GRID2: variants seen among roughly 807,000 people sequenced by gnomAD.
GRID2 encodes glutamate ionotropic receptor delta type subunit 2, also known as glutamate receptor ionotropic, delta-2.
In GRID2, 33 loss-of-function variants were observed where a neutral mutation model predicts 114.8. That is an observed-to-expected ratio of 0.29 (90% CI 0.22 to 0.38). The LOEUF is 0.38. Among genes scored for constraint, GRID2 ranks in the 10% least tolerant of loss-of-function variants. The pLI is 1.00. For synonymous variants in GRID2, 505 were observed against 449.9 expected (o/e 1.12, Z -1.55); for missense variants, 1,184 against 1,257.7 (o/e 0.94, Z 0.89).
chr4:92,931,223 C>T (rs538714590), intron 2 of GRID2, among the ~76,000 whole-genome samples: 1 of 150,590 alleles, frequency 6.6e-6, no homozygotes, highest in Admixed American at 6.6e-5. Context: ...CACTAATTCA[C>T]CATATTAATA....
chr4:93,469,050 C>A (rs748592663), intron 11 of GRID2, among the ~76,000 whole-genome samples: 1 of 152,012 alleles, frequency 6.6e-6, no homozygotes, highest in Non-Finnish European at 1.5e-5. Flanking sequence ...TATGGTTATC[C>A]ATTTTGGAAC....
chr4:92,363,818 ACT>A lies in GRID2; in HGVS notation c.88+59075_88+59076del. Among the ~76,000 whole-genome samples the A allele has an allele frequency of 3.7e-5, 5 of 133,972 alleles. 1 individual carries two copies. The Middle Eastern group carries it at 0.02, about 532-fold the overall frequency. The allele number at this position is 133,972 out of a possible 152,430, so 87.9% of individuals were successfully genotyped here. A position where few individuals can be genotyped will look rare whatever the true frequency, so the allele number is the denominator to read the frequency against. On this transcript the variant is annotated intron_variant, in intron 1 of 15. Coordinates refer to ENST00000282020, the MANE Select transcript of GRID2 (RefSeq NM_001510.4). ...AATTACTGTGTCTAGAATTAAGTTT[ACT>A]TTTTTTTTTTTTTTTTTCTGACAGA...
intron 2 of GRID2, among the ~76,000 whole-genome samples, chr4:92,872,895 T>G (rs560480623): frequency 6.6e-6 from 1 of 152,370 alleles, no homozygotes; most frequent in Non-Finnish European, 1.5e-5. Context: ...CGGTAATTTT[T>G]GGTAAGTACA....
chr4:93,432,146 A>G (rs1160898329), intron 10 of GRID2, among the ~76,000 whole-genome samples: 2 of 152,190 alleles, frequency 1.3e-5, no homozygotes, highest in Non-Finnish European at 2.9e-5. Context: ...CAGAACAGAT[A>G]AAAGAATAGA....
At chr4:93,087,232 G>C (rs1362342017) in intron 3 of GRID2, among the ~76,000 whole-genome samples, 1 of 151,666 alleles carries the variant, frequency 6.6e-6, no homozygotes, top group Non-Finnish European at 1.5e-5. Context: ...AGTAGAGATG[G>C]GGTTTCAACG....
intron 12 of GRID2, among the ~76,000 whole-genome samples, chr4:93,512,096 A>C (rs1213052353): frequency 1.3e-5 from 2 of 152,000 alleles, no homozygotes; most frequent in Non-Finnish European, 2.9e-5. Context: ...TGATTTTCCC[A>C]TTCCTCCTAT....
intron 8 of GRID2, among the ~76,000 whole-genome samples, chr4:93,361,467 G>GATTATTATTATT (rs149947795): frequency 2.9e-4 from 43 of 147,632 alleles, no homozygotes; most frequent in African/African-American, 8.4e-4. Flanking sequence ...ATGTTACTGT[G>GATTATTATTATT]ATTATTATTA....
At chr4:93,494,706 A>C (rs1223657951) in intron 12 of GRID2, among the ~76,000 whole-genome samples, 2 of 151,780 alleles carry the variant, frequency 1.3e-5, no homozygotes, top group African/African-American at 4.8e-5. Context: ...AAAGGGAAAA[A>C]AAATGCCATT....
At chr4:93,200,263 A>G (rs1741933082) in intron 4 of GRID2, among the ~76,000 whole-genome samples, 1 of 152,200 alleles carries the variant, frequency 6.6e-6, no homozygotes, top group African/African-American at 2.4e-5. Context: ...AAGTATCACC[A>G]TTTGGTCAAA....
chr4:93,478,945 T>C (rs1725587812), intron 11 of GRID2, among the ~76,000 whole-genome samples: 2 of 152,074 alleles, frequency 1.3e-5, no homozygotes, highest in Non-Finnish European at 2.9e-5. Context: ...TATTTAGTCA[T>C]TTAAAACCAA....
In GRID2 at chr4:92,376,462, G is replaced by T. The variant is rs1005779131; in HGVS notation, c.88+71718G>T. 3.3e-5 allele frequency among the ~76,000 whole-genome samples: 5 copies of T among 152,142 alleles called. No homozygotes were observed. The South Asian group carries it at 8.3e-4, about 25-fold the overall frequency. ...CCATCCTGGCTGATTTCATGGGCTG[G>T]CATTGAGTGTCTGTGGCTTTTCCAG... is the stretch of plus-strand genomic sequence containing the variant. On this transcript the variant is annotated intron_variant, in intron 1 of 15. Coordinates refer to ENST00000282020, the MANE Select transcript of GRID2 (RefSeq NM_001510.4).
At chr4:92,780,157 A>G (rs951599172) in intron 2 of GRID2, among the ~76,000 whole-genome samples, 1 of 152,154 alleles carries the variant, frequency 6.6e-6, no homozygotes, top group Admixed American at 6.6e-5. Context: ...CGCAATTTAG[A>G]AACTAATAAT....
At chr4:92,856,782 C>T (rs1359651052) in intron 2 of GRID2, among the ~76,000 whole-genome samples, 1 of 152,142 alleles carries the variant, frequency 6.6e-6, no homozygotes, top group Non-Finnish European at 1.5e-5. Flanking sequence ...ACATTGTTAA[C>T]TTCTCACCAT....
intron 14 of GRID2, among the ~76,000 whole-genome samples, chr4:93,712,170 A>G (rs58635063): frequency 0.089 from 13,607 of 152,120 alleles, 671 homozygotes; most frequent in African/African-American, 0.13. Context: ...GAATTTGCCA[A>G]TCTTTTCATA....
At chr4:92,937,684 G>C (rs1278358954) in intron 2 of GRID2, among the ~76,000 whole-genome samples, 3 of 146,732 alleles carry the variant, frequency 2.0e-5, no homozygotes, top group Non-Finnish European at 3.0e-5. Flanking sequence ...GGGGCTCCTT[G>C]CCTTCCACTG....
intron 14 of GRID2, among the ~76,000 whole-genome samples, chr4:93,759,259 C>T (rs914512667): frequency 6.6e-6 from 1 of 152,004 alleles, no homozygotes; most frequent in African/African-American, 2.4e-5. Flanking sequence ...GATTTTGCCC[C>T]CTTAGGCAGT....
chr4:93,419,074 C>CTTT lies in GRID2; in HGVS notation c.1348-3677_1348-3675dup, dbSNP rs58832079. ...GGTAATCCCCAAAATCATGATTTTC[C>CTTT]TTTTTTTTTTTTTTTTTTTTTTACA... On this transcript the variant is annotated intron_variant, in intron 9 of 15. Transcript: ENST00000282020. Among the ~76,000 whole-genome samples, 708 of 109,418 alleles carry CTTT rather than the reference C, an allele frequency of 6.5e-3. 15 individuals are homozygous for CTTT. The highest frequency in any genetic ancestry group is 0.026 in the African/African-American group (617 of 24,006). 71.8% of individuals were successfully genotyped at this position (109,418 alleles called of 152,430 possible). A position where few individuals can be genotyped will look rare whatever the true frequency, so the allele number is the denominator to read the frequency against.
Position 92,781,587 on chromosome 4 carries a change from A to G in GRID2, c.244+191301A>G, listed in dbSNP as rs1739079299. Among the ~76,000 whole-genome samples the G allele has an allele frequency of 6.6e-5, 10 of 152,034 alleles. 1 individual carries two copies. ...CCGTGTTATGATTTTTTAAATGCCA[A>G]ATTAGTTTTCTACCTTCATAATTTT... On this transcript the variant is annotated intron_variant, in intron 2 of 15. Coordinates refer to ENST00000282020, the MANE Select transcript of GRID2 (RefSeq NM_001510.4).
At chr4:93,264,910 G>T (rs1182630277) in intron 8 of GRID2, among the ~76,000 whole-genome samples, 3 of 151,362 alleles carry the variant, frequency 2.0e-5, no homozygotes, top group African/African-American at 7.3e-5. Flanking sequence ...AGCCTCTCAA[G>T]TAACTGGGAC....
Sources: allele counts gnomAD v4.1 joint callset (sites outside exome capture counted in the v4.1 genomes callset), GRCh38; gene constraint gnomAD v4.1.1; transcripts MANE v1.5; gene names NCBI Gene and HGNC (gene_info 2026-07-23, HGNC 2026-07-21).